UNC13C: variants seen among roughly 807,000 people sequenced by gnomAD.
UNC13C encodes the protein protein unc-13 homolog C.
A neutral mutation model predicts 245.4 loss-of-function variants in UNC13C; 174 were observed. The observed-to-expected ratio is 0.71, with a 90% CI of 0.63 to 0.80. The LOEUF is 0.80. Among genes scored for constraint, UNC13C ranks in the 30% least tolerant of loss-of-function variants. The probability of loss-of-function intolerance (pLI) is 0.00; values close to 1 mark genes in which losing one functional copy is unlikely to be tolerated. For synonymous variants in UNC13C, 992 were observed against 895.1 expected (o/e 1.11, Z -1.93); for missense variants, 2,829 against 2,602.9 (o/e 1.09, Z -1.89).
intron 18 of UNC13C, among the ~76,000 whole-genome samples, chr15:54,412,428 T>C (rs1269370394): frequency 6.6e-6 from 1 of 152,100 alleles, no homozygotes; most frequent in Non-Finnish European, 1.5e-5. Context: ...GAGTACTCAC[T>C]CACTATAAGA....
chr15:53,895,086 G>A, the UNC13C span, among the ~76,000 whole-genome samples: 2 of 151,948 alleles, frequency 1.3e-5, no homozygotes, highest in African/African-American at 4.8e-5. Context: ...TGTCGAGGCT[G>A]GGCGTGGTGG....
In UNC13C at chr15:54,297,716, T is replaced by A; in HGVS notation, c.3989-95T>A. On this transcript the variant is annotated intron_variant, in intron 11 of 32. Transcript: ENST00000260323. ...AAATAGCTTTTAGCTACTTAAGCCG[T>A]TTTTTTGTTTTTTTGTTTTTTAGCT... 3.4e-6 allele frequency: 3 copies of A among 888,778 alleles called. No individual in the cohort carries two copies. The Admixed American group carries it at 7.7e-5, about 23-fold the overall frequency. The allele number at this position is 888,778 out of a possible 1,614,324, so 55.1% of individuals were successfully genotyped here. A position where few individuals can be genotyped will look rare whatever the true frequency, so the allele number is the denominator to read the frequency against.
At chr15:54,332,311 G>C (rs1161538906) in intron 15 of UNC13C, among the ~76,000 whole-genome samples, 200 bp downstream of exon 15, 2 of 149,560 alleles carry the variant, frequency 1.3e-5, no homozygotes, top group Non-Finnish European at 3.0e-5. Context: ...TACTCTGTGT[G>C]TGTGTGTGTG....
the UNC13C span, among the ~76,000 whole-genome samples, chr15:53,891,681 A>G: frequency 1.3e-5 from 2 of 151,328 alleles, no homozygotes; most frequent in African/African-American, 4.9e-5. Flanking sequence ...TAGGATTGCA[A>G]CTCCTGCTCT....
At chr15:54,132,015 C>G (rs1446410476) in intron 2 of UNC13C, among the ~76,000 whole-genome samples, 3 of 151,382 alleles carry the variant, frequency 2.0e-5, no homozygotes, top group Admixed American at 6.6e-5. Context: ...TCACTTTGTT[C>G]ATATCTTTAA....
intron 17 of UNC13C, among the ~76,000 whole-genome samples, chr15:54,361,659 A>G (rs2039234028): frequency 6.6e-6 from 1 of 152,204 alleles, no homozygotes; most frequent in Admixed American, 6.5e-5. Flanking sequence ...CTTAGTACCA[A>G]AAGTTAATCC....
At chr15:54,183,763 A>G (rs1181835660) in intron 4 of UNC13C, among the ~76,000 whole-genome samples, 1 of 151,918 alleles carries the variant, frequency 6.6e-6, no homozygotes, top group East Asian at 1.9e-4. Flanking sequence ...GACAGAAAAA[A>G]AAAAAAAAAA....
intron 2 of UNC13C, among the ~76,000 whole-genome samples, chr15:54,071,838 G>A (rs776746350): frequency 7.2e-5 from 11 of 152,162 alleles, no homozygotes; most frequent in Admixed American, 2.0e-4. Flanking sequence ...AAAGCCTAAA[G>A]TATTTATAAT....
intron 13 of UNC13C, among the ~76,000 whole-genome samples, chr15:54,315,605 A>C (rs966745375): frequency 6.6e-6 from 1 of 151,154 alleles, no homozygotes; most frequent in African/African-American, 2.4e-5. Flanking sequence ...ATCCTTTCTC[A>C]TGGTTTTTGA....
At chr15:54,503,411 C>G (rs1894317513) in intron 22 of UNC13C, among the ~76,000 whole-genome samples, 1 of 148,384 alleles carries the variant, frequency 6.7e-6, no homozygotes, top group African/African-American at 2.5e-5. Context: ...CAGTCAAATC[C>G]ATTTTACCAT....
At chr15:54,354,012 T>G (rs773641726) in intron 17 of UNC13C, among the ~76,000 whole-genome samples, 1 of 152,202 alleles carries the variant, frequency 6.6e-6, no homozygotes, top group Non-Finnish European at 1.5e-5. Flanking sequence ...CTGCTTCATG[T>G]CAGCAAATAA....
chr15:54,268,095 C>G (rs2036593335), intron 10 of UNC13C, among the ~76,000 whole-genome samples: 1 of 151,920 alleles, frequency 6.6e-6, no homozygotes, highest in Non-Finnish European at 1.5e-5. Context: ...GGTATTTGTC[C>G]TAATGCTCTC....
At chr15:54,584,878 C>A (rs1898406520) in intron 30 of UNC13C, among the ~76,000 whole-genome samples, 1 of 152,158 alleles carries the variant, frequency 6.6e-6, no homozygotes, top group Non-Finnish European at 1.5e-5. Flanking sequence ...GATTCAAATC[C>A]AAATTCTTCC....
At chr15:54,255,679 C>G (rs1402335495) in intron 8 of UNC13C, among the ~76,000 whole-genome samples, 4 of 149,524 alleles carry the variant, frequency 2.7e-5, no homozygotes, top group African/African-American at 1.0e-4. Flanking sequence ...GCCAGGGTTT[C>G]TTGGGAAATG....
chr15:54,406,719 CTTAATA>C (rs1013822694), intron 18 of UNC13C, among the ~76,000 whole-genome samples: 1 of 152,128 alleles, frequency 6.6e-6, no homozygotes, highest in Non-Finnish European at 1.5e-5. Flanking sequence ...GTCACTAATT[CTTAATA>C]TTAAGTGAGC....
the UNC13C span, among the ~76,000 whole-genome samples, chr15:53,924,673 C>T: frequency 6.6e-6 from 1 of 152,142 alleles, no homozygotes; most frequent in South Asian, 2.1e-4. Context: ...ATATGCCATA[C>T]AAACTGGCTT....
chr15:54,405,953 CTG>C (rs1214950279), intron 18 of UNC13C, among the ~76,000 whole-genome samples: 1 of 148,576 alleles, frequency 6.7e-6, no homozygotes, highest in Non-Finnish European at 1.5e-5. Flanking sequence ...GTAATTAATA[CTG>C]TTAGTTTACA....
intron 4 of UNC13C, among the ~76,000 whole-genome samples, chr15:54,194,681 G>T (rs1156329548): frequency 3.3e-5 from 5 of 152,114 alleles, no homozygotes; most frequent in Non-Finnish European, 7.4e-5. Flanking sequence ...GTAGGACTCA[G>T]GAGTGGAGTG....
At chr15:54,191,854 T>C (rs1223225158) in intron 4 of UNC13C, among the ~76,000 whole-genome samples, 1 of 152,216 alleles carries the variant, frequency 6.6e-6, no homozygotes, top group Non-Finnish European at 1.5e-5. Flanking sequence ...ATGTCTTCTT[T>C]TGAGAAGTGT....
Sources: gnomAD v4.1 joint callset for allele counts (sites outside exome capture counted in the v4.1 genomes callset) on GRCh38, gnomAD v4.1.1 for gene constraint, MANE v1.5 for transcripts, NCBI Gene and HGNC (gene_info 2026-07-23, HGNC 2026-07-21) for gene names.